Variants in GTF2IRD1 observed in about 807,000 individuals in gnomAD.
The protein encoded by GTF2IRD1 is general transcription factor II-I repeat domain-containing protein 1.
In GTF2IRD1, 26 loss-of-function variants were observed where a neutral mutation model predicts 113.2. That is an observed-to-expected ratio of 0.23 (90% CI 0.17 to 0.32). The LOEUF (loss-of-function observed/expected upper bound fraction) is 0.32. GTF2IRD1 is among the 10% of genes least tolerant of loss of function. The probability of loss-of-function intolerance (pLI) is 1.00; values close to 1 mark genes in which losing one functional copy is unlikely to be tolerated. For missense variants in GTF2IRD1, 864 were observed against 1,280.8 expected (o/e 0.67, Z 4.97); for synonymous variants, 484 against 529.1 (o/e 0.91, Z 1.17).
chr7:74,522,002 G>A (rs1024901218), intron 7 of GTF2IRD1, among the ~76,000 whole-genome samples: 14 of 152,082 alleles, frequency 9.2e-5, no homozygotes, highest in Non-Finnish European at 1.3e-4. Context: ...TTCGTAGGAG[G>A]CCTCAGTCCC....
chr7:74,471,690 CAAAAA>C (rs1195034410), intron 1 of GTF2IRD1, among the ~76,000 whole-genome samples: 1 of 40,352 alleles, frequency 2.5e-5, no homozygotes, highest in African/African-American at 9.5e-5. Flanking sequence ...AAAAAAAAAA[CAAAAA>C]AAAAAACAAA....
At chr7:74,559,193 G>T in intron 21 of GTF2IRD1, 149 bp downstream of exon 21, 1 of 725,362 alleles carries the variant, frequency 1.4e-6, no homozygotes. Context: ...GGGGTGGTTG[G>T]AGAGGGACTG....
chr7:74,594,785 C>T (rs1802304167), intron 24 of GTF2IRD1, among the ~76,000 whole-genome samples: 1 of 151,380 alleles, frequency 6.6e-6, no homozygotes, highest in Non-Finnish European at 1.5e-5. Context: ...AACCCCGTCT[C>T]TACTAAAAAT....
intron 1 of GTF2IRD1, among the ~76,000 whole-genome samples, chr7:74,473,411 A>G (rs1554332857): frequency 6.7e-6 from 1 of 149,592 alleles, no homozygotes; most frequent in Non-Finnish European, 1.5e-5. Context: ...TGGAGGTTGC[A>G]TGGTGGCAGC....
intron 14 of GTF2IRD1, among the ~76,000 whole-genome samples, chr7:74,542,390 T>C (rs1798684394): frequency 6.6e-6 from 1 of 152,108 alleles, no homozygotes; most frequent in Non-Finnish European, 1.5e-5. Context: ...AGTGAAATTC[T>C]ATCTCAAAAA....
intron 12 of GTF2IRD1, 73 bp from the exon 13 acceptor site, chr7:74,538,607 G>A: frequency 1.1e-6 from 1 of 900,044 alleles, no homozygotes; most frequent in Non-Finnish European, 1.9e-6. Context: ...ACACCAGAAT[G>A]TTCTGGAAAG....
At chr7:74,464,745 C>T (rs1312355747) in intron 1 of GTF2IRD1, among the ~76,000 whole-genome samples, 5 of 152,178 alleles carry the variant, frequency 3.3e-5, no homozygotes, top group Non-Finnish European at 5.9e-5. Flanking sequence ...CAAGCCACCG[C>T]GCCCAGCTGG....
At chr7:74,594,906 T>G (rs1802312545) in intron 24 of GTF2IRD1, 108 bp from the exon 25 acceptor site, 6 of 630,590 alleles carry the variant, frequency 9.5e-6, no homozygotes, top group Non-Finnish European at 1.4e-5. Context: ...GAGCTGAAAT[T>G]GCGCCACTGC....
intron 1 of GTF2IRD1, among the ~76,000 whole-genome samples, chr7:74,463,653 A>T (rs1348691966): frequency 6.6e-6 from 1 of 151,688 alleles, no homozygotes; most frequent in African/African-American, 2.4e-5. Flanking sequence ...GCCACCAAGG[A>T]GCGGGTGGTG....
chr7:74,595,270 G>A (rs1197025449), intron 25 of GTF2IRD1, among the ~76,000 whole-genome samples: 2 of 151,852 alleles, frequency 1.3e-5, no homozygotes, highest in African/African-American at 2.4e-5. Context: ...GCTGGGCGTG[G>A]TCGTGGGCAC....
At chr7:74,528,949 GGA>G (rs1797794135) in intron 8 of GTF2IRD1, among the ~76,000 whole-genome samples, 5 of 86,520 alleles carry the variant, frequency 5.8e-5, no homozygotes, top group African/African-American at 1.3e-4. Flanking sequence ...ATGGGTGGAT[GGA>G]TGGATGGATG....
chr7:74,476,833 C>T (rs1794441596), intron 1 of GTF2IRD1, among the ~76,000 whole-genome samples: 1 of 152,184 alleles, frequency 6.6e-6, no homozygotes, highest in East Asian at 1.9e-4. Context: ...TAAACTTTAG[C>T]TTCTCTTTCC....
At chr7:74,532,035 T>C (rs1797989829) in intron 9 of GTF2IRD1, among the ~76,000 whole-genome samples, 2 of 152,140 alleles carry the variant, frequency 1.3e-5, no homozygotes, top group Non-Finnish European at 2.9e-5. Flanking sequence ...CTGGAGAAGA[T>C]TTCTAGAACT....
intron 22 of GTF2IRD1, among the ~76,000 whole-genome samples, chr7:74,574,987 G>A (rs1386376292): frequency 6.6e-6 from 1 of 152,096 alleles, no homozygotes; most frequent in African/African-American, 2.4e-5. Context: ...CTACTTGGGA[G>A]GCTGAGGCAG....
intron 22 of GTF2IRD1, among the ~76,000 whole-genome samples, chr7:74,561,113 C>G (rs1471866980): frequency 1.3e-5 from 2 of 151,892 alleles, no homozygotes; most frequent in Non-Finnish European, 2.9e-5. Flanking sequence ...CTTTGGGAAG[C>G]CAAGGCAGGA....
rs782728018 is a variant in GTF2IRD1, at chr7:74,508,120, G to A, written c.40G>A (p.Gly14Ser). 26 of 1,610,918 alleles carry A rather than the reference G, an allele frequency of 1.6e-5. No individual in the cohort carries two copies. The highest frequency in any genetic ancestry group is 4.4e-5 in the South Asian group (4 of 91,074). Residue 14 changes from glycine to serine, a missense_variant, in exon 2 of 27, where the codon GGC becomes AGC. By Grantham distance (56) the Gly-to-Ser change is moderately conservative. Coordinates refer to ENST00000424337, the MANE Select transcript of GTF2IRD1 (RefSeq NM_005685.4). ...TAAGCGCTGTGACGTCCCCACCAAC[G>A]GCTGCGGACCCGACCGCTGGAACTC... ...LGKRCDVPTN[G>S]CGPDRWNSAF...
At chr7:74,472,795 A>G (rs577542169) in intron 1 of GTF2IRD1, among the ~76,000 whole-genome samples, 3 of 152,258 alleles carry the variant, frequency 2.0e-5, no homozygotes, top group South Asian at 4.1e-4. Flanking sequence ...ATCCACATCC[A>G]TGACTCTTGG....
intron 1 of GTF2IRD1, among the ~76,000 whole-genome samples, chr7:74,495,383 C>G (rs782760285): frequency 6.6e-6 from 1 of 152,226 alleles, no homozygotes; most frequent in East Asian, 1.9e-4. Flanking sequence ...CCACCACGGA[C>G]GTCACACCCC....
chr7:74,556,616 C>T (rs587758602), intron 19 of GTF2IRD1, among the ~76,000 whole-genome samples: 2 of 146,452 alleles, frequency 1.4e-5, no homozygotes, highest in African/African-American at 5.0e-5. Context: ...ACCACTGCAC[C>T]CAGCTTTTTT....
Sources: gnomAD v4.1 joint callset for allele counts (sites outside exome capture counted in the v4.1 genomes callset) on GRCh38, gnomAD v4.1.1 for gene constraint, MANE v1.5 for transcripts, NCBI Gene and HGNC (gene_info 2026-07-23, HGNC 2026-07-21) for gene names.